Variants in MAPKAPK2 observed in about 807,000 individuals in gnomAD.
The protein encoded by MAPKAPK2 is MAP kinase-activated protein kinase 2.
Under a neutral mutation model 48.8 loss-of-function variants are expected in MAPKAPK2, and 9 were observed. The observed-to-expected ratio is 0.18, with a 90% CI of 0.11 to 0.32. The LOEUF is 0.32. Ranked by LOEUF, MAPKAPK2 falls within the 10% of genes least tolerant of loss-of-function variation. The pLI is 1.00. For synonymous variants in MAPKAPK2, 202 were observed against 190.6 expected (o/e 1.06, Z -0.49); for missense variants, 331 against 498.3 (o/e 0.66, Z 3.20).
intron 1 of MAPKAPK2, among the ~76,000 whole-genome samples, chr1:206,700,903 C>CCTG: frequency 6.6e-6 from 1 of 152,284 alleles, no homozygotes; most frequent in South Asian, 2.1e-4. Flanking sequence ...GGTGTCAGGC[C>CCTG]CTACTGCCCA....
chr1:206,728,555 A>G (rs2102413784), intron 1 of MAPKAPK2, among the ~76,000 whole-genome samples, 155 bp from the exon 2 acceptor site: 1 of 136,876 alleles, frequency 7.3e-6, no homozygotes, highest in East Asian at 2.5e-4. Context: ...GGAACTGCAG[A>G]GGCCTCAGGA....
At chr1:206,707,938 T>C (rs1673016592) in intron 1 of MAPKAPK2, among the ~76,000 whole-genome samples, 1 of 151,986 alleles carries the variant, frequency 6.6e-6, no homozygotes. Flanking sequence ...GATTCCTGTC[T>C]AAAAAAAATG....
At chr1:206,696,204 A>G (rs1455891361) in intron 1 of MAPKAPK2, 2 of 1,490,220 alleles carry the variant, frequency 1.3e-6, no homozygotes, top group Non-Finnish European at 9.4e-7. Flanking sequence ...TCTCTCCTTC[A>G]GCCACCTGAG....
At chr1:206,719,492 A>ATGTGTGCACCCACGTGAAGGGTC (rs1269009441) in intron 1 of MAPKAPK2, among the ~76,000 whole-genome samples, 3 of 152,236 alleles carry the variant, frequency 2.0e-5, no homozygotes, top group Admixed American at 2.0e-4. Context: ...ATGTTTGGGA[A>ATGTGTGCACCCACGTGAAGGGTC]TGTGTGCACC....
chr1:206,689,357 A>T (rs1376523538), intron 1 of MAPKAPK2, among the ~76,000 whole-genome samples: 1 of 152,090 alleles, frequency 6.6e-6, no homozygotes, highest in Admixed American at 6.6e-5. Flanking sequence ...GAAATGCCAG[A>T]GCTCCCACAT....
chr1:206,698,595 G>A (rs1206942557), intron 1 of MAPKAPK2, among the ~76,000 whole-genome samples: 2 of 152,214 alleles, frequency 1.3e-5, no homozygotes, highest in Non-Finnish European at 2.9e-5. Context: ...TTAATAACAA[G>A]TCTTTATTGA....
chr1:206,698,370 C>A (rs1482606133), intron 1 of MAPKAPK2, among the ~76,000 whole-genome samples: 2 of 152,186 alleles, frequency 1.3e-5, no homozygotes, highest in African/African-American at 2.4e-5. Context: ...TAGACCCCTG[C>A]CTTTCTAAGC....
At position 206,731,865 on chromosome 1, in the gene MAPKAPK2, A is replaced by G. The variant is rs782033903; in HGVS notation, c.1005A>G (p.Pro335=). ...IMQSTKVPQT[P]LHTSRVLKED... ...AATCAACAAAGGTCCCTCAAACCCC[A>G]CTGCACACCAGCCGGGTCCTGAAGG... Residue 335 remains proline (P), a synonymous_variant, in exon 9 of 10, where the codon CCA becomes CCG. Transcript: ENST00000367103. This position sits in a 1 kb window ranked among gnomAD's most constrained non-coding sequence, Gnocchi z 5.9. The G allele has an allele frequency of 6.2e-7, 1 of 1,613,936 alleles. No homozygotes were observed.
chr1:206,691,691 C>T (rs1404303626), intron 1 of MAPKAPK2, among the ~76,000 whole-genome samples: 1 of 151,864 alleles, frequency 6.6e-6, no homozygotes, highest in Non-Finnish European at 1.5e-5. Context: ...AGGGTCGGCT[C>T]GAGCAGCTCC....
chr1:206,729,351 T>G (rs1673820676), intron 3 of MAPKAPK2, 45 bp from the exon 4 acceptor site: 7 of 1,508,288 alleles, frequency 4.6e-6, no homozygotes, highest in Non-Finnish European at 6.5e-6. Flanking sequence ...TAATGATGTG[T>G]CTTTGTGACT....
At chr1:206,687,319 G>A (rs1553425730) in intron 1 of MAPKAPK2, among the ~76,000 whole-genome samples, 4 of 152,288 alleles carry the variant, frequency 2.6e-5, no homozygotes, top group African/African-American at 4.8e-5. Context: ...TGTAACTAAC[G>A]AGAGAGAGGT....
intron 1 of MAPKAPK2, among the ~76,000 whole-genome samples, chr1:206,707,558 C>T (rs1189593825): frequency 2.0e-5 from 3 of 152,136 alleles, no homozygotes; most frequent in African/African-American, 4.8e-5. Context: ...GCCCTGGGCC[C>T]TGGGTTGTAG....
chr1:206,730,603 G>A, intron 5 of MAPKAPK2, 85 bp from the exon 6 acceptor site: 1 of 1,180,878 alleles, frequency 8.5e-7, no homozygotes, highest in Non-Finnish European at 1.3e-6. Flanking sequence ...TGAAAGGTTG[G>A]GATGGGGAGC....
intron 1 of MAPKAPK2, among the ~76,000 whole-genome samples, chr1:206,697,720 C>T (rs782404323): frequency 2.0e-5 from 3 of 152,168 alleles, no homozygotes; most frequent in Non-Finnish European, 2.9e-5. Flanking sequence ...TTGGAGGGGC[C>T]AAATATCCAA....
intron 1 of MAPKAPK2, among the ~76,000 whole-genome samples, chr1:206,720,896 T>C (rs1236727227): frequency 6.6e-6 from 1 of 152,232 alleles, no homozygotes; most frequent in Non-Finnish European, 1.5e-5. Context: ...CATTTCCCCA[T>C]TTAATATTCA....
chr1:206,694,926 C>T (rs1276677711), intron 1 of MAPKAPK2, among the ~76,000 whole-genome samples: 2 of 152,190 alleles, frequency 1.3e-5, no homozygotes, highest in African/African-American at 4.8e-5. Flanking sequence ...GAAACACTTG[C>T]GCTTGCAGAC....
At chr1:206,713,994 G>A (rs1183398669) in intron 1 of MAPKAPK2, among the ~76,000 whole-genome samples, 2 of 152,176 alleles carry the variant, frequency 1.3e-5, no homozygotes, top group African/African-American at 2.4e-5. Context: ...GTGACGGAGG[G>A]AGAGAGTCTG....
chr1:206,733,234 G>A lies in MAPKAPK2; in HGVS notation c.*516G>A, dbSNP rs1673988462. The A allele has an allele frequency of 6.2e-6, 1 of 161,066 alleles. No homozygotes were observed. The highest frequency in any genetic ancestry group is 1.4e-5 in the Non-Finnish European group (1 of 73,594). The allele number at this position is 161,066 out of a possible 1,614,324, so 10.0% of individuals were successfully genotyped here. Reference sequence around the variant, plus strand: ...AGGATGCCACGCACTTCCTCTCTCGGAGCCCTCAGACATCTCCAGTGTGCC... The same window carrying A: ...AGGATGCCACGCACTTCCTCTCTCGAAGCCCTCAGACATCTCCAGTGTGCC... On this transcript the variant is annotated 3_prime_UTR_variant, in exon 10 of 10. Coordinates refer to ENST00000367103, the MANE Select transcript of MAPKAPK2 (RefSeq NM_032960.4).
chr1:206,701,831 TAAAAAAAA>T (rs1181483621), intron 1 of MAPKAPK2, among the ~76,000 whole-genome samples: 1 of 86,966 alleles, frequency 1.1e-5, no homozygotes, highest in African/African-American at 4.6e-5. Flanking sequence ...ACCCTGTCTC[TAAAAAAAA>T]AAAAAAAAAA....
Sources: allele counts gnomAD v4.1 joint callset (sites outside exome capture counted in the v4.1 genomes callset), GRCh38; gene constraint gnomAD v4.1.1; non-coding constraint Gnocchi (gnomAD v3.1); transcripts MANE v1.5; gene names NCBI Gene and HGNC (gene_info 2026-07-23, HGNC 2026-07-21).